NBEA: variants seen among roughly 807,000 people sequenced by gnomAD.
NBEA encodes the protein lysosomal-trafficking regulator 2.
A neutral mutation model predicts 343.4 loss-of-function variants in NBEA; 44 were observed. The observed-to-expected ratio is 0.13, with a 90% CI of 0.10 to 0.16. The LOEUF (loss-of-function observed/expected upper bound fraction) is 0.16, where lower values mean the gene tolerates loss of function less well. Ranked by LOEUF, NBEA falls within the 10% of genes least tolerant of loss-of-function variation. NBEA has a pLI of 1.00. For synonymous variants in NBEA, 1,175 were observed against 1,238.7 expected (o/e 0.95, Z 1.08); for missense variants, 2,555 against 3,631.3 (o/e 0.70, Z 7.62).
chr13:35,535,760 T>C (rs1000259427), intron 41 of NBEA, among the ~76,000 whole-genome samples: 1 of 152,184 alleles, frequency 6.6e-6, no homozygotes. Context: ...AGAGTCTGTG[T>C]GTCATCCTCC....
chr13:35,345,025 CAT>C (rs369052701), intron 36 of NBEA, among the ~76,000 whole-genome samples: 206 of 152,116 alleles, frequency 1.4e-3, no homozygotes, highest in African/African-American at 3.9e-3. Flanking sequence ...AAAAAGATAA[CAT>C]GTGTATGTGG....
intron 38 of NBEA, among the ~76,000 whole-genome samples, chr13:35,418,135 T>A (rs992788689): frequency 1.3e-5 from 2 of 152,144 alleles, no homozygotes; most frequent in South Asian, 4.1e-4. Context: ...TATGTGTGTG[T>A]CTGCATGTGA....
intron 1 of NBEA, among the ~76,000 whole-genome samples, chr13:34,992,083 A>G (rs1416313417): frequency 6.8e-6 from 1 of 147,770 alleles, no homozygotes; most frequent in South Asian, 2.1e-4. Flanking sequence ...TCTACCCTTG[A>G]TTTACAGGTA....
chr13:35,150,432 C>T (rs74048919), intron 18 of NBEA, among the ~76,000 whole-genome samples: 4,309 of 152,078 alleles, frequency 0.028, 93 homozygotes, highest in South Asian at 0.074. Flanking sequence ...GTTTAAACAT[C>T]ACATCTTTTG....
At chr13:35,553,034 G>T (rs2079410440) in intron 43 of NBEA, among the ~76,000 whole-genome samples, 3 of 152,006 alleles carry the variant, frequency 2.0e-5, no homozygotes, top group African/African-American at 4.8e-5. Context: ...TGGGAATACA[G>T]ACATGTGCCA....
chr13:35,045,506 C>A, intron 4 of NBEA, 105 bp downstream of exon 4: 1 of 883,036 alleles, frequency 1.1e-6, no homozygotes, highest in Non-Finnish European at 1.7e-6. Flanking sequence ...GAAAGCACAA[C>A]TTGATGAGTT....
At chr13:35,525,803 G>A (rs2077947085) in intron 41 of NBEA, among the ~76,000 whole-genome samples, 1 of 152,116 alleles carries the variant, frequency 6.6e-6, no homozygotes, top group South Asian at 2.1e-4. Context: ...GTCTGGTGGA[G>A]GCTCTCTGCC....
At chr13:35,452,039 A>G (rs2152945717) in intron 39 of NBEA, 53 bp from the exon 40 acceptor site, 2 of 1,318,848 alleles carry the variant, frequency 1.5e-6, no homozygotes, top group Non-Finnish European at 1.1e-6. Flanking sequence ...AATACCTACT[A>G]TAAGCAGAAA....
At chr13:35,042,616 G>A (rs1593558818) in intron 2 of NBEA, among the ~76,000 whole-genome samples, 1 of 151,714 alleles carries the variant, frequency 6.6e-6, no homozygotes, top group Non-Finnish European at 1.5e-5. Flanking sequence ...TACCATAGAA[G>A]TTCATATCTT....
At chr13:35,124,253 GT>G (rs550215199) in intron 17 of NBEA, among the ~76,000 whole-genome samples, 2,393 of 112,898 alleles carry the variant, frequency 0.021, 57 homozygotes, top group African/African-American at 0.055. Context: ...TTTCGCCCTT[GT>G]TTTTTTTTTT....
chr13:35,667,929 A>G (rs930340588), intron 57 of NBEA, among the ~76,000 whole-genome samples: 1 of 152,220 alleles, frequency 6.6e-6, no homozygotes, highest in Non-Finnish European at 1.5e-5. Flanking sequence ...CAAAAATTAC[A>G]TATACCCATT....
Position 35,183,998 on chromosome 13 carries a change from T to C in NBEA, c.4854T>C (p.Pro1618=), listed in dbSNP as rs763719281. The C allele has an allele frequency of 4.3e-6, 7 of 1,611,328 alleles. No individual in the cohort carries two copies. The Admixed American group carries it at 1.2e-4, about 27-fold the overall frequency. Residue 1618 remains proline (P), a synonymous_variant, in exon 30 of 59, where the codon CCT becomes CCC. Transcript: ENST00000379939. Reference sequence around the variant, plus strand: ...CAGTTGTGGTCATACCATCTATCCCTCATCCAAGTTTGAACCATGGATTCC... The same window carrying C: ...CAGTTGTGGTCATACCATCTATCCCCCATCCAAGTTTGAACCATGGATTCC... The part of the protein sequence containing the change: ...TSTVVVIPSI[P]HPSLNHGFLA...
chr13:35,658,370 C>T (rs1479398397), intron 55 of NBEA, among the ~76,000 whole-genome samples: 7 of 152,068 alleles, frequency 4.6e-5, no homozygotes, highest in Admixed American at 6.6e-5. Flanking sequence ...TGTGAACATA[C>T]GTAGTATGGT....
At chr13:35,413,638 A>G (rs2043721947) in intron 38 of NBEA, among the ~76,000 whole-genome samples, 1 of 152,146 alleles carries the variant, frequency 6.6e-6, no homozygotes, top group Non-Finnish European at 1.5e-5. Context: ...AAATAACACC[A>G]AGTTCCAGCT....
At chr13:35,037,047 T>C (rs970586733) in intron 1 of NBEA, among the ~76,000 whole-genome samples, 2 of 152,194 alleles carry the variant, frequency 1.3e-5, no homozygotes, top group African/African-American at 4.8e-5. Context: ...ATTTGCCCTT[T>C]TGAGGCTATT....
chr13:35,316,789 A>G (rs531714915), intron 36 of NBEA, among the ~76,000 whole-genome samples: 6 of 152,146 alleles, frequency 3.9e-5, no homozygotes, highest in Non-Finnish European at 8.8e-5. Flanking sequence ...TGACTTTTAA[A>G]TGATTGCCAT....
chr13:35,392,933 C>CA (rs1158337358), intron 38 of NBEA, among the ~76,000 whole-genome samples: 2 of 152,164 alleles, frequency 1.3e-5, no homozygotes, highest in African/African-American at 4.8e-5. Context: ...AATGACCTCC[C>CA]AGGTCACAGT....
At chr13:35,618,929 G>T (rs1434484386) in intron 48 of NBEA, among the ~76,000 whole-genome samples, 2 of 152,030 alleles carry the variant, frequency 1.3e-5, no homozygotes, top group African/African-American at 4.8e-5. Context: ...CAGGCTGTCT[G>T]CAGTCAGCAG....
At chr13:35,437,023 A>G (rs1180203142) in intron 39 of NBEA, among the ~76,000 whole-genome samples, 1 of 152,192 alleles carries the variant, frequency 6.6e-6, no homozygotes, top group African/African-American at 2.4e-5. Flanking sequence ...TTATCTATTA[A>G]TGTAGTAAGT....
Sources: gnomAD v4.1 joint callset for allele counts (sites outside exome capture counted in the v4.1 genomes callset) on GRCh38, gnomAD v4.1.1 for gene constraint, MANE v1.5 for transcripts, NCBI Gene and HGNC (gene_info 2026-07-23, HGNC 2026-07-21) for gene names.